Variants in ZNF564 observed in about 807,000 individuals in gnomAD.
ZNF564 encodes the protein zinc finger protein 564.
ZNF564 carries 5 observed loss-of-function variants against 10.5 expected under a neutral mutation model. That is an observed-to-expected ratio of 0.48 (90% CI 0.25 to 1.00). ZNF564 has a LOEUF of 1.00. ZNF564 is among the 50% of genes least tolerant of loss of function. ZNF564 has a pLI of 0.16. For missense variants in ZNF564, 603 were observed against 669.7 expected (o/e 0.90, Z 1.10); for synonymous variants, 242 against 218.1 (o/e 1.11, Z -0.97).
chr19:12,526,767 T>G lies in ZNF564; in HGVS notation c.1341A>C (p.Gly447=). Residue 447 remains glycine, a synonymous_variant, in exon 4 of 4, where the codon GGA becomes GGC. Transcript: ENST00000339282. ...TACCACATACCTGACATTTATAAGG[T>G]CCATCTCCAGTGTGCAGTATCATAT... ...RKHMILHTGD[G]PYKCQVCGKA... is the part of the protein sequence containing the mutation. 6.2e-7 allele frequency: 1 copy of G among 1,614,180 alleles called. No homozygotes were observed. The highest frequency in any genetic ancestry group is 1.1e-5 in the South Asian group (1 of 91,086).
chr19:12,531,660 C>T (rs2021804135), intron 1 of ZNF564, among the ~76,000 whole-genome samples: 1 of 151,948 alleles, frequency 6.6e-6, no homozygotes, highest in African/African-American at 2.4e-5. Flanking sequence ...ACAACCCAGG[C>T]CAGGAACAAA....
intron 1 of ZNF564, among the ~76,000 whole-genome samples, chr19:12,546,479 A>G (rs2022156236): frequency 6.6e-6 from 1 of 152,180 alleles, no homozygotes; most frequent in South Asian, 2.1e-4. Context: ...CTGTAATCCC[A>G]GCACTCTGGG....
chr19:12,550,825 T>A (rs2022242233), intron 1 of ZNF564, among the ~76,000 whole-genome samples: 1 of 151,712 alleles, frequency 6.6e-6, no homozygotes. Context: ...GAACCGGAAA[T>A]TTAGGCATTT....
At chr19:12,528,517 C>T (rs2021737001) in intron 2 of ZNF564, 53 bp downstream of exon 2, 1 of 1,601,316 alleles carries the variant, frequency 6.2e-7, no homozygotes, top group Non-Finnish European at 8.5e-7. Context: ...CATTAAAAAG[C>T]AAGAAATACT....
chr19:12,546,710 GAC>G (rs945120195), intron 1 of ZNF564, among the ~76,000 whole-genome samples: 6 of 152,110 alleles, frequency 3.9e-5, no homozygotes, highest in African/African-American at 1.4e-4. Context: ...CAGCCTGGGT[GAC>G]AGAGCAAGAC....
intron 1 of ZNF564, among the ~76,000 whole-genome samples, chr19:12,543,766 C>T (rs2022103963): frequency 6.7e-6 from 1 of 149,814 alleles, no homozygotes; most frequent in South Asian, 2.1e-4. Context: ...GAAAATGTTA[C>T]AGCCTGAATC....
intron 1 of ZNF564, among the ~76,000 whole-genome samples, chr19:12,530,908 A>C (rs573989966): frequency 1.1e-4 from 17 of 152,136 alleles, no homozygotes; most frequent in Admixed American, 1.0e-3. Context: ...CTAGAACTAT[A>C]GTCGCAAGAC....
At chr19:12,547,589 C>T (rs1488748996) in intron 1 of ZNF564, among the ~76,000 whole-genome samples, 1 of 152,112 alleles carries the variant, frequency 6.6e-6, no homozygotes, top group East Asian at 1.9e-4. Context: ...CCAACTATGC[C>T]TATGTGTGCA....
intron 3 of ZNF564, among the ~76,000 whole-genome samples, 156 bp from the exon 4 acceptor site, chr19:12,528,072 T>G (rs1184247166): frequency 6.6e-6 from 1 of 152,192 alleles, no homozygotes; most frequent in African/African-American, 2.4e-5. Flanking sequence ...GCAAGAGAGC[T>G]TGACAGTAGC....
At chr19:12,533,843 G>A (rs1024397509) in intron 1 of ZNF564, among the ~76,000 whole-genome samples, 6 of 147,480 alleles carry the variant, frequency 4.1e-5, no homozygotes, top group African/African-American at 1.5e-4. Context: ...AATAATTGGA[G>A]AAGTCAATGA....
chr19:12,542,454 C>T (rs557904708), intron 1 of ZNF564, among the ~76,000 whole-genome samples: 12 of 151,920 alleles, frequency 7.9e-5, no homozygotes, highest in African/African-American at 2.9e-4. Flanking sequence ...ATAATGAAAC[C>T]TCAACCAAAA....
chr19:12,543,232 G>A (rs977049947), intron 1 of ZNF564, among the ~76,000 whole-genome samples: 2 of 151,362 alleles, frequency 1.3e-5, no homozygotes, highest in East Asian at 2.0e-4. Flanking sequence ...AACCCAGGAG[G>A]TGGAGGTTGC....
At chr19:12,534,532 G>A (rs1454097708) in intron 1 of ZNF564, among the ~76,000 whole-genome samples, 3 of 152,078 alleles carry the variant, frequency 2.0e-5, no homozygotes, top group Non-Finnish European at 2.9e-5. Context: ...AAACATACTC[G>A]GCCAGGCACA....
At chr19:12,544,921 A>G (rs542615941) in intron 1 of ZNF564, among the ~76,000 whole-genome samples, 34 of 152,286 alleles carry the variant, frequency 2.2e-4, no homozygotes, top group African/African-American at 8.2e-4. Context: ...AAGGTTAAAC[A>G]AGCCTGAGGA....
intron 1 of ZNF564, chr19:12,529,820 T>G (rs2021765591): frequency 6.6e-6 from 1 of 151,168 alleles, no homozygotes; most frequent in Non-Finnish European, 1.5e-5. Context: ...CTGTCTCTAC[T>G]AAAAATACAA....
In ZNF564 at chr19:12,526,716, G is replaced by A. The variant is rs1055718957; in HGVS notation, c.1392C>T (p.Val464=). ...CAGTATGAGTTCTTTCATGTGTTCGGACAGAACTAGGACAGTCAAAGGCTT... is the reference window on the plus strand; with the variant it reads ...CAGTATGAGTTCTTTCATGTGTTCGAACAGAACTAGGACAGTCAAAGGCTT... The part of the protein sequence containing the change: ...CGKAFDCPSS[V]RTHERTHTGE... Residue 464 remains valine (V), a synonymous_variant, in exon 4 of 4, where the codon GTC becomes GTT. Transcript: ENST00000339282. 8 of 1,613,546 alleles carry A rather than the reference G, an allele frequency of 5.0e-6. No homozygotes were observed.
chr19:12,539,543 C>G (rs2021995838), intron 1 of ZNF564, among the ~76,000 whole-genome samples: 1 of 149,852 alleles, frequency 6.7e-6, no homozygotes, highest in Non-Finnish European at 1.5e-5. Flanking sequence ...TGGCACGTAC[C>G]TGTAGTCCCA....
intron 1 of ZNF564, among the ~76,000 whole-genome samples, chr19:12,540,689 C>A: frequency 6.6e-6 from 1 of 152,124 alleles, no homozygotes; most frequent in Admixed American, 6.5e-5. Flanking sequence ...CCCGTCTCTA[C>A]TAAAAACACA....
intron 1 of ZNF564, among the ~76,000 whole-genome samples, chr19:12,547,129 C>A (rs2022170196): frequency 6.6e-6 from 1 of 152,176 alleles, no homozygotes; most frequent in Non-Finnish European, 1.5e-5. Context: ...GAGTACAATG[C>A]CAGAATCATT....
Sources: gnomAD v4.1 joint callset for allele counts (sites outside exome capture counted in the v4.1 genomes callset) on GRCh38, gnomAD v4.1.1 for gene constraint, MANE v1.5 for transcripts, NCBI Gene and HGNC (gene_info 2026-07-23, HGNC 2026-07-21) for gene names.